Variants in GPATCH2 observed in about 807,000 individuals in gnomAD.
GPATCH2 encodes the protein G patch domain-containing protein 2.
Under a neutral mutation model 58.0 loss-of-function variants are expected in GPATCH2, and 51 were observed. The observed-to-expected ratio is 0.88, with a 90% CI of 0.70 to 1.11. GPATCH2 has a LOEUF of 1.11. GPATCH2 is among the 50% of genes most tolerant of loss of function. The probability of loss-of-function intolerance (pLI) is 0.00; values close to 1 mark genes in which losing one functional copy is unlikely to be tolerated. For missense variants in GPATCH2, 625 were observed against 652.2 expected, an observed-to-expected ratio of 0.96 and a Z score of 0.45; for synonymous variants, 222 against 218.5, an observed-to-expected ratio of 1.02 and a Z score of -0.14.
chr1:217,485,352 C>T (rs1030293555), intron 8 of GPATCH2, among the ~76,000 whole-genome samples: 1 of 152,148 alleles, frequency 6.6e-6, no homozygotes, highest in Non-Finnish European at 1.5e-5. Context: ...TACGGACAAA[C>T]CCAGAAATAT....
intron 6 of GPATCH2, among the ~76,000 whole-genome samples, chr1:217,499,452 G>A (rs1320014328): frequency 2.0e-5 from 3 of 152,244 alleles, no homozygotes; most frequent in East Asian, 1.9e-4. Flanking sequence ...CTCCTGGGAC[G>A]CTCCAAGACT....
At chr1:217,608,433 A>G (rs1208157250) in intron 5 of GPATCH2, 44 of 985,030 alleles carry the variant, frequency 4.5e-5, no homozygotes, top group Non-Finnish European at 5.2e-5. Flanking sequence ...TACAATTTAG[A>G]GAGGGAAAGC....
At chr1:217,523,203 C>A (rs569356305) in intron 5 of GPATCH2, among the ~76,000 whole-genome samples, 20 of 151,408 alleles carry the variant, frequency 1.3e-4, no homozygotes, top group Middle Eastern at 3.4e-3. Flanking sequence ...ATTGATCATT[C>A]TTGGGTGTTT....
intron 8 of GPATCH2, among the ~76,000 whole-genome samples, chr1:217,466,023 A>T (rs984075528): frequency 1.3e-5 from 2 of 152,198 alleles, no homozygotes; most frequent in Non-Finnish European, 1.5e-5. Flanking sequence ...GATAGTTAGG[A>T]GAAGAAAAAC....
Position 217,550,125 on chromosome 1 carries a change from A to AT in GPATCH2, c.1099-35237dup, listed in dbSNP as rs1013943520. Among the ~76,000 whole-genome samples the AT allele has an allele frequency of 1.4e-4, 22 of 152,222 alleles. No individual in the cohort carries two copies. In the South Asian group the frequency reaches 1.7e-3, roughly 11 times the overall value. On this transcript the variant is annotated intron_variant, in intron 5 of 9. Transcript: ENST00000366935. ...GACTTTGAGGCAGCATGATTTAGTGATGAGACTCTGGGTTCTATAGCAGAA... is the reference window on the plus strand; with the variant it reads ...GACTTTGAGGCAGCATGATTTAGTGATTGAGACTCTGGGTTCTATAGCAGAA...
At chr1:217,474,839 G>C (rs774042048) in intron 8 of GPATCH2, among the ~76,000 whole-genome samples, 3 of 151,928 alleles carry the variant, frequency 2.0e-5, no homozygotes, top group Non-Finnish European at 4.4e-5. Context: ...GTTGAAAAAG[G>C]GAAGTGCAGT....
chr1:217,555,984 A>G (rs894888422), intron 5 of GPATCH2, among the ~76,000 whole-genome samples: 1 of 152,224 alleles, frequency 6.6e-6, no homozygotes, highest in South Asian at 2.1e-4. Context: ...TAGTCAACTT[A>G]TAAATCATTT....
At chr1:217,601,041 AAAAT>A (rs2102791798) in intron 5 of GPATCH2, among the ~76,000 whole-genome samples, 1 of 152,322 alleles carries the variant, frequency 6.6e-6, no homozygotes, top group East Asian at 1.9e-4. Flanking sequence ...TAAAGTGAGA[AAAAT>A]AAAATGCAGA....
At chr1:217,617,266 G>A (rs1197845131) in intron 2 of GPATCH2, among the ~76,000 whole-genome samples, 1 of 152,142 alleles carries the variant, frequency 6.6e-6, no homozygotes, top group Non-Finnish European at 1.5e-5. Context: ...TGCACAAGCT[G>A]CTCCCTCTCT....
intron 5 of GPATCH2, among the ~76,000 whole-genome samples, chr1:217,560,412 CT>C (rs1665866248): frequency 6.6e-6 from 1 of 152,126 alleles, no homozygotes. Context: ...TCATCAGTGT[CT>C]TGCAAATAGT....
rs186473084 is a variant in GPATCH2, at chr1:217,493,327, A to G, written c.1207-1577T>C. 2.2e-4 allele frequency among the ~76,000 whole-genome samples: 33 copies of G among 152,292 alleles called. 1 individual carries two copies. The highest frequency in any genetic ancestry group is 1.7e-3 in the Admixed American group (26 of 15,296). On this transcript the variant is annotated intron_variant, in intron 7 of 9. Transcript: ENST00000366935. Reference sequence around the variant, plus strand: ...TACATCTCTAAATTCATAATTTATTATGCTTCCTCCTACCCCAACCTAACC... The same window carrying G: ...TACATCTCTAAATTCATAATTTATTGTGCTTCCTCCTACCCCAACCTAACC...
chr1:217,515,765 C>CT (rs200833587), intron 5 of GPATCH2, among the ~76,000 whole-genome samples: 5 of 144,924 alleles, frequency 3.5e-5, no homozygotes, highest in Non-Finnish European at 7.5e-5. Flanking sequence ...TGTAAATATC[C>CT]TTTAAAAAAA....
chr1:217,587,373 T>C (rs1396561092), intron 5 of GPATCH2, among the ~76,000 whole-genome samples: 1 of 152,152 alleles, frequency 6.6e-6, no homozygotes, highest in Non-Finnish European at 1.5e-5. Context: ...CTCCTTTTCC[T>C]TTTCCATATC....
chr1:217,608,968 C>G, intron 5 of GPATCH2: 2 of 984,160 alleles, frequency 2.0e-6, no homozygotes, highest in Non-Finnish European at 2.4e-6. Context: ...ACTTTAAAAA[C>G]TTTAGGTAAA....
chr1:217,537,564 CAAAATATT>C (rs1363803295), intron 5 of GPATCH2, among the ~76,000 whole-genome samples: 2 of 152,106 alleles, frequency 1.3e-5, no homozygotes, highest in Non-Finnish European at 2.9e-5. Flanking sequence ...TGATGCTACT[CAAAATATT>C]AAAATATGAG....
intron 2 of GPATCH2, among the ~76,000 whole-genome samples, chr1:217,616,642 A>G (rs1668900837): frequency 6.6e-6 from 1 of 152,190 alleles, no homozygotes; most frequent in Non-Finnish European, 1.5e-5. Flanking sequence ...TCAATAAATC[A>G]GAACAAGAAC....
intron 7 of GPATCH2, among the ~76,000 whole-genome samples, chr1:217,497,267 T>C (rs900827855): frequency 1.3e-5 from 2 of 152,266 alleles, no homozygotes; most frequent in African/African-American, 4.8e-5. Context: ...AATTTTTGTA[T>C]TGTAAATAAT....
chr1:217,627,600 A>T (rs1389725129), intron 1 of GPATCH2, among the ~76,000 whole-genome samples: 1 of 152,094 alleles, frequency 6.6e-6, no homozygotes, highest in Non-Finnish European at 1.5e-5. Context: ...CTTGTATTCA[A>T]TCACGGGTGC....
intron 8 of GPATCH2, among the ~76,000 whole-genome samples, chr1:217,450,163 T>C (rs1208690852): frequency 1.3e-5 from 2 of 152,144 alleles, no homozygotes; most frequent in Non-Finnish European, 2.9e-5. Flanking sequence ...TCTGTGTTCA[T>C]TTCCTGCATC....
Sources: allele counts gnomAD v4.1 joint callset (sites outside exome capture counted in the v4.1 genomes callset), GRCh38; gene constraint gnomAD v4.1.1; transcripts MANE v1.5; gene names NCBI Gene and HGNC (gene_info 2026-07-23, HGNC 2026-07-21).